CCDC196: variants seen among roughly 807,000 people sequenced by gnomAD.
CCDC196 encodes the protein coiled-coil domain containing 196.
Position 66,486,513 on chromosome 14 carries a change from G to T in CCDC196, c.11G>T (p.Gly4Val). The T allele has an allele frequency of 4.8e-6, 2 of 412,504 alleles. No individual in the cohort carries two copies. The highest frequency in any genetic ancestry group is 8.8e-6 in the Non-Finnish European group (2 of 226,044). 25.6% of individuals were successfully genotyped at this position (412,504 alleles called of 1,614,324 possible). A position where few individuals can be genotyped will look rare whatever the true frequency, so the allele number is the denominator to read the frequency against. Residue 4 changes from glycine (G) to valine (V), a missense_variant, in exon 1 of 10, where the codon GGT becomes GTT. Physicochemically the swap from Gly to Val is moderately radical, Grantham distance 109. Transcript: ENST00000636229. Reference protein sequence around the residue: MTSGANSSGSYLPS... With the variant: MTSVANSSGSYLPS... ...AAGTTACCCTTCAAGATGACAAGTG[G>T]TGCAAACTCTTCAGGATCTTACCTG...
chr14:66,492,307 G>T, intron 8 of CCDC196, 113 bp downstream of exon 8: 1 of 394,344 alleles, frequency 2.5e-6, no homozygotes. Context: ...TAAGTTAAAT[G>T]TTAGTAGTAC....
At chr14:66,495,497 A>G (rs1294860573) in intron 8 of CCDC196, among the ~76,000 whole-genome samples, 1 of 152,244 alleles carries the variant, frequency 6.6e-6, no homozygotes, top group African/African-American at 2.4e-5. Flanking sequence ...AGACTATGCT[A>G]CAAAATGGAT....
intron 4 of CCDC196, 99 bp from the exon 5 acceptor site, chr14:66,490,640 AGCT>A (rs2057513597): frequency 2.5e-6 from 1 of 397,532 alleles, no homozygotes; most frequent in African/African-American, 2.1e-5. Context: ...GGCCCTGAGA[AGCT>A]GCTGACTGGC....
intron 2 of CCDC196, among the ~76,000 whole-genome samples, chr14:66,487,272 A>G (rs1478270247): frequency 6.6e-6 from 1 of 152,162 alleles, no homozygotes; most frequent in Non-Finnish European, 1.5e-5. Context: ...TCTTTACCAG[A>G]GCACTCACTG....
In CCDC196 at chr14:66,491,655, C is replaced by A; in HGVS notation, c.543C>A (p.Val181=). The A allele has an allele frequency of 2.4e-6, 1 of 413,912 alleles. No homozygotes were observed. The highest frequency in any genetic ancestry group is 1.3e-4 in the South Asian group (1 of 7,834). The allele number at this position is 413,912 out of a possible 1,614,324, so 25.6% of individuals were successfully genotyped here. ...AGCAACAGAGGAAAATGGAATGGGTCAAGTATCAGGAACAAAATAACATCC... is the reference window on the plus strand; with the variant it reads ...AGCAACAGAGGAAAATGGAATGGGTAAAGTATCAGGAACAAAATAACATCC... ...KEKQQRKMEW[V]KYQEQNNILQ... Residue 181 remains valine, a synonymous_variant, in exon 7 of 10, where the codon GTC becomes GTA. Transcript: ENST00000636229.
rs2057476184 is a variant in CCDC196, at chr14:66,489,039, T to C, written c.351+2T>C. On this transcript the variant is annotated splice_donor_variant, in intron 4 of 9. Transcript: ENST00000636229. LOFTEE classifies it high-confidence loss of function. ...GAAATGGAGATGCTATGGAACAAGG[T>C]GTGCCTCTAAGGATCTATTGAAAGT... 1 of 413,264 alleles carries C rather than the reference T, an allele frequency of 2.4e-6. No homozygotes were observed. Among genetic ancestry groups the C allele is most frequent in the Non-Finnish European group, 4.4e-6 (1 of 225,962 alleles). The allele number at this position is 413,264 out of a possible 1,614,324, so 25.6% of individuals were successfully genotyped here. A position where few individuals can be genotyped will look rare whatever the true frequency, so the allele number is the denominator to read the frequency against.
At chr14:66,490,902 T>A in intron 5 of CCDC196, 83 bp downstream of exon 5, 1 of 410,008 alleles carries the variant, frequency 2.4e-6, no homozygotes, top group East Asian at 3.6e-5. Context: ...CAGGGCTAAT[T>A]TGGGTAGGCA....
chr14:66,497,710 C>G (rs1308746456), intron 8 of CCDC196, among the ~76,000 whole-genome samples: 2 of 152,066 alleles, frequency 1.3e-5, no homozygotes, highest in East Asian at 3.8e-4. Flanking sequence ...CACCCTACGC[C>G]TACCATTCTG....
At chr14:66,491,198 T>C (rs978712775) in intron 6 of CCDC196, 94 bp downstream of exon 6, 50 of 405,856 alleles carry the variant, frequency 1.2e-4, no homozygotes, top group African/African-American at 9.0e-4. Flanking sequence ...TGGTGTGCTC[T>C]TGGACCAATG....
intron 3 of CCDC196, among the ~76,000 whole-genome samples, chr14:66,488,669 T>C (rs570805760): frequency 6.6e-6 from 1 of 152,278 alleles, no homozygotes; most frequent in South Asian, 2.1e-4. Flanking sequence ...AATTAAAAAT[T>C]AGTGGTCTAA....
At position 66,486,717 on chromosome 14, in the gene CCDC196, G is replaced by GC. The variant is rs1175937578; in HGVS notation, c.112dup (p.Gln38ProfsTer13). On this transcript the variant is annotated frameshift_variant, in exon 2 of 10. Transcript: ENST00000636229. LOFTEE classifies it high-confidence loss of function. The stretch of plus-strand genomic sequence containing the variant: ...TGAATGAGGACTTAAAGCTAAGGAA[G>GC]CAGGAACTGCTAGAGATGCTCAAAC... 13 of 413,310 alleles carry GC rather than the reference G, an allele frequency of 3.1e-5. No individual in the cohort carries two copies. The highest frequency in any genetic ancestry group is 4.9e-5 in the Non-Finnish European group (11 of 226,110). 25.6% of individuals were successfully genotyped at this position (413,310 alleles called of 1,614,324 possible). A position where few individuals can be genotyped will look rare whatever the true frequency, so the allele number is the denominator to read the frequency against.
At chr14:66,498,314 AT>A in intron 9 of CCDC196, 38 bp from the exon 10 acceptor site, 1 of 412,502 alleles carries the variant, frequency 2.4e-6, no homozygotes, top group South Asian at 1.3e-4. Flanking sequence ...GGTACTCAAT[AT>A]TTTAGCTGTC....
intron 8 of CCDC196, among the ~76,000 whole-genome samples, chr14:66,494,155 C>T (rs950687212): frequency 6.6e-6 from 1 of 152,174 alleles, no homozygotes; most frequent in East Asian, 1.9e-4. Context: ...GGGTACTATA[C>T]GGCTTAGTTA....
intron 3 of CCDC196, among the ~76,000 whole-genome samples, chr14:66,488,613 ATTCTTACAAGATTT>A (rs1164094248): frequency 3.9e-5 from 6 of 152,194 alleles, no homozygotes; most frequent in Non-Finnish European, 8.8e-5. Flanking sequence ...GCTCTGCAGG[ATTCTTACAAGATTT>A]TCTTTCAATC....
rs141791010 is a variant in CCDC196 at position 66,498,104 on chromosome 14, C to T, written c.716-5C>T. ...AGCTCTTATTTTCCTAATGTTTCCCCTTAGGTACTATGGGCATTACAACTA... is the reference window on the plus strand; with the variant it reads ...AGCTCTTATTTTCCTAATGTTTCCCTTTAGGTACTATGGGCATTACAACTA... On this transcript the variant is annotated splice_region_variant and splice_polypyrimidine_tract_variant and intron_variant, in intron 8 of 9. Transcript: ENST00000636229. 4.4e-3 allele frequency: 1,817 copies of T among 410,776 alleles called. 40 individuals are homozygous for T. Among genetic ancestry groups the T allele is most frequent in the African/African-American group, 0.035 (1,699 of 48,018 alleles). The allele number at this position is 410,776 out of a possible 1,614,324, so 25.4% of individuals were successfully genotyped here. A position where few individuals can be genotyped will look rare whatever the true frequency, so the allele number is the denominator to read the frequency against.
chr14:66,490,020 C>G (rs1437276960), intron 4 of CCDC196, among the ~76,000 whole-genome samples: 1 of 151,850 alleles, frequency 6.6e-6, no homozygotes, highest in Non-Finnish European at 1.5e-5. Flanking sequence ...TTTCATCTGA[C>G]TTTTCCACAA....
At chr14:66,498,066 C>A in intron 8 of CCDC196, 43 bp from the exon 9 acceptor site, 86 of 371,656 alleles carry the variant, frequency 2.3e-4, no homozygotes, top group Middle Eastern at 7.2e-4. Flanking sequence ...TTTTTTTTTT[C>A]CCCCTCAAAA....
intron 8 of CCDC196, among the ~76,000 whole-genome samples, chr14:66,497,359 C>G (rs577254497): frequency 1.3e-5 from 2 of 151,896 alleles, no homozygotes; most frequent in Non-Finnish European, 2.9e-5. Context: ...ATAAACTGTA[C>G]CCTTATTAAT....
chr14:66,497,031 C>T (rs948798933), intron 8 of CCDC196, among the ~76,000 whole-genome samples: 1 of 152,102 alleles, frequency 6.6e-6, no homozygotes, highest in Admixed American at 6.6e-5. Context: ...TTCCTGATGG[C>T]TGAACTACAC....
Sources: allele counts gnomAD v4.1 joint callset (sites outside exome capture counted in the v4.1 genomes callset), GRCh38; gene constraint gnomAD v4.1.1; transcripts MANE v1.5; gene names NCBI Gene and HGNC (gene_info 2026-07-23, HGNC 2026-07-21).